TRIM49: variants seen among roughly 807,000 people sequenced by gnomAD.
TRIM49 encodes tripartite motif containing 49, also known as tripartite motif-containing protein 49.
A neutral mutation model predicts 27.4 loss-of-function variants in TRIM49; 5 were observed. The observed-to-expected ratio is 0.18, with a 90% CI of 0.10 to 0.38. TRIM49 has a LOEUF of 0.38. Among genes scored for constraint, TRIM49 ranks in the 10% least tolerant of loss-of-function variants. The pLI is 1.00. For synonymous variants in TRIM49, 69 were observed against 166.0 expected, an observed-to-expected ratio of 0.42 and a Z score of 4.49; for missense variants, 188 against 487.5, an observed-to-expected ratio of 0.39 and a Z score of 5.79.
intron 1 of TRIM49, among the ~76,000 whole-genome samples, chr11:89,808,213 AT>A (rs1164989706): frequency 1.3e-3 from 155 of 116,368 alleles, no homozygotes; most frequent in African/African-American, 6.3e-3. Flanking sequence ...TATGAAAATT[AT>A]TTTTTTTAAA....
chr11:89,766,660 T>A, the TRIM49 span: 1 of 1,445,120 alleles, frequency 6.9e-7, no homozygotes, highest in South Asian at 1.2e-5. Flanking sequence ...TAATTCCATA[T>A]GAGGGAATTC....
chr11:89,786,744 C>T, the TRIM49 span: 1 of 138,202 alleles, frequency 7.2e-6, no homozygotes, highest in Non-Finnish European at 1.5e-5. Flanking sequence ...GAGATGTCGT[C>T]AGACGGACAC....
the TRIM49 span, among the ~76,000 whole-genome samples, chr11:89,769,838 AAG>A: frequency 2.1e-5 from 2 of 93,574 alleles, no homozygotes; most frequent in East Asian, 6.1e-4. Context: ...ACTCAGCAGG[AAG>A]AGTGTCTCTA....
chr11:89,787,582 C>T, the TRIM49 span: 21 of 832,036 alleles, frequency 2.5e-5, no homozygotes, highest in Non-Finnish European at 3.5e-5. Context: ...GCCTCCTGCC[C>T]CTGCAGCGCC....
chr11:89,777,013 T>A, the TRIM49 span: 1 of 1,546,420 alleles, frequency 6.5e-7, no homozygotes, highest in African/African-American at 1.4e-5. Context: ...TCTTCCAGAA[T>A]GAGCTCATTT....
the TRIM49 span, among the ~76,000 whole-genome samples, chr11:89,770,834 C>G: frequency 6.9e-6 from 1 of 143,932 alleles, no homozygotes; most frequent in African/African-American, 2.8e-5. Context: ...CCACTGCACT[C>G]CAGCCTGGGT....
rs1237761629 is a variant in TRIM49, at chr11:89,804,053, A to T, written c.411+6T>A. On this transcript the variant is annotated splice_donor_region_variant and intron_variant, in intron 3 of 7. Coordinates refer to ENST00000329758, the MANE Select transcript of TRIM49 (RefSeq NM_020358.2). ...ACAGAAATCGATCTTCAGAGCCATCACTTACCCGGTGTTCCTCAGCAGCCC... is the reference window on the plus strand; with the variant it reads ...ACAGAAATCGATCTTCAGAGCCATCTCTTACCCGGTGTTCCTCAGCAGCCC... The T allele has an allele frequency of 1.9e-6, 3 of 1,603,750 alleles. No homozygotes were observed. The highest frequency in any genetic ancestry group is 2.6e-6 in the Non-Finnish European group (3 of 1,174,160).
At chr11:89,777,482 G>A in the TRIM49 span, 1 of 1,486,804 alleles carries the variant, frequency 6.7e-7, no homozygotes, top group East Asian at 2.5e-5. Context: ...TGCAGATGAT[G>A]GAGGTGGTGA....
downstream of TRIM49, among the ~76,000 whole-genome samples, chr11:89,793,067 C>T (rs1234878285): frequency 6.6e-6 from 1 of 151,840 alleles, no homozygotes; most frequent in Non-Finnish European, 1.5e-5. Flanking sequence ...GGGGATATCA[C>T]CACCGATCCC....
the TRIM49 span, among the ~76,000 whole-genome samples, chr11:89,770,045 G>A: frequency 7.7e-6 from 1 of 130,706 alleles, no homozygotes; most frequent in Non-Finnish European, 1.5e-5. Flanking sequence ...AGTTGCAGGA[G>A]GATGCCGTCG....
At chr11:89,768,566 T>C in the TRIM49 span, among the ~76,000 whole-genome samples, 8 of 135,838 alleles carry the variant, frequency 5.9e-5, no homozygotes, top group South Asian at 4.6e-4. Context: ...TCTAGCAACT[T>C]CTGCATTGAA....
the TRIM49 span, among the ~76,000 whole-genome samples, chr11:89,777,580 C>A: frequency 1.4e-5 from 2 of 145,548 alleles, no homozygotes; most frequent in Non-Finnish European, 3.0e-5. Flanking sequence ...GTTGAGACTT[C>A]GCTAAAGGAG....
downstream of TRIM49, among the ~76,000 whole-genome samples, chr11:89,795,563 A>T (rs1458545495): frequency 2.0e-5 from 2 of 98,118 alleles, no homozygotes; most frequent in African/African-American, 7.5e-5. Context: ...AGCTATAAAA[A>T]AGGATGAGCT....
At chr11:89,807,412 T>G (rs1413321238) in intron 1 of TRIM49, 128 bp from the exon 2 acceptor site, 2 of 151,578 alleles carry the variant, frequency 1.3e-5, no homozygotes, top group African/African-American at 2.4e-5. Context: ...CATCACACTT[T>G]CATTCTGAAC....
chr11:89,797,611 T>C (rs1400470546), downstream of TRIM49: 1 of 152,178 alleles, frequency 6.6e-6, no homozygotes, highest in Admixed American at 6.5e-5. Flanking sequence ...TTTATATCTG[T>C]GGTGAGAATT....
chr11:89,779,741 TA>T, the TRIM49 span, among the ~76,000 whole-genome samples: 112 of 115,904 alleles, frequency 9.7e-4, 10 homozygotes, highest in Middle Eastern at 4.7e-3. Flanking sequence ...GAGTTTACAC[TA>T]AAAAAAAATG....
At chr11:89,784,634 T>C in the TRIM49 span, among the ~76,000 whole-genome samples, 2 of 141,360 alleles carry the variant, frequency 1.4e-5, no homozygotes, top group South Asian at 2.2e-4. Flanking sequence ...CTTTTTTTGA[T>C]TTTCTCCTAT....
At chr11:89,791,710 A>C in the TRIM49 span, among the ~76,000 whole-genome samples, 1 of 152,114 alleles carries the variant, frequency 6.6e-6, no homozygotes, top group Admixed American at 6.5e-5. Flanking sequence ...TTTTGTCACC[A>C]CCAGGCCTGC....
Position 89,798,126 on chromosome 11 carries a change from C to G in TRIM49, c.*4G>C. ...ATGTGAACACATTTCTGATTTGTCT[C>G]TGGTCAGAAGTGAATACAGCAAAAG... On this transcript the variant is annotated 3_prime_UTR_variant, in exon 8 of 8. Transcript: ENST00000329758. 1 of 1,383,392 alleles carries G rather than the reference C, an allele frequency of 7.2e-7. No individual in the cohort carries two copies. The highest frequency in any genetic ancestry group is 9.4e-7 in the Non-Finnish European group (1 of 1,060,548). 85.7% of individuals were successfully genotyped at this position (1,383,392 alleles called of 1,614,324 possible). A position where few individuals can be genotyped will look rare whatever the true frequency, so the allele number is the denominator to read the frequency against.
Sources: allele counts gnomAD v4.1 joint callset (sites outside exome capture counted in the v4.1 genomes callset), GRCh38; gene constraint gnomAD v4.1.1; transcripts MANE v1.5; gene names NCBI Gene and HGNC (gene_info 2026-07-23, HGNC 2026-07-21).